The following ESD variants were observed in gnomAD, a reference collection of about 807,000 sequenced individuals.
ESD encodes the protein S-formylglutathione hydrolase.
ESD carries 34 observed loss-of-function variants against 38.1 expected under a neutral mutation model. The ratio of observed to expected loss-of-function variants is 0.89; its 90% CI spans 0.68 to 1.19. ESD has a LOEUF of 1.19. ESD is among the 50% of genes most tolerant of loss of function. ESD has a pLI of 0.00. For missense variants in ESD, 334 were observed against 327.2 expected (o/e 1.02, Z -0.16); for synonymous variants, 97 against 107.0 (o/e 0.91, Z 0.58).
chr13:46,796,783 C>G (rs1036198155), intron 1 of ESD, among the ~76,000 whole-genome samples: 3 of 152,218 alleles, frequency 2.0e-5, no homozygotes, highest in African/African-American at 7.2e-5. Context: ...GCGGTGGCTG[C>G]GGGTCTAGGA....
intron 9 of ESD, among the ~76,000 whole-genome samples, chr13:46,771,988 A>G (rs1022757644): frequency 1.3e-5 from 2 of 152,238 alleles, no homozygotes; most frequent in Non-Finnish European, 2.9e-5. Context: ...TCACAAATGC[A>G]GCACATCAGT....
At chr13:46,780,149 G>C in intron 7 of ESD, 116 bp from the exon 8 acceptor site, 1 of 635,980 alleles carries the variant, frequency 1.6e-6, no homozygotes, top group Non-Finnish European at 2.5e-6. Context: ...TAAAAATTCT[G>C]ACTTGCCATG....
chr13:46,797,593 G>C (rs1211726481), upstream of ESD, among the ~76,000 whole-genome samples: 1 of 152,218 alleles, frequency 6.6e-6, no homozygotes, highest in Non-Finnish European at 1.5e-5. Context: ...GACTATCCAC[G>C]TCACCTACTT....
chr13:46,782,976 C>G (rs1238524872), intron 5 of ESD, among the ~76,000 whole-genome samples, 185 bp from the exon 6 acceptor site: 2 of 151,854 alleles, frequency 1.3e-5, no homozygotes, highest in African/African-American at 4.8e-5. Context: ...TGAATGGGGC[C>G]CTGCGACTCG....
intron 9 of ESD, 130 bp downstream of exon 9, chr13:46,777,319 TTCAAGTG>T: frequency 3.5e-6 from 2 of 573,452 alleles, no homozygotes. Flanking sequence ...AGGTTTTCAC[TTCAAGTG>T]TCTGAATATA....
intron 1 of ESD, among the ~76,000 whole-genome samples, chr13:46,796,035 A>T (rs1773119): frequency 0.68 from 102,968 of 151,512 alleles, 36,948 homozygotes; most frequent in African/African-American, 0.92. Flanking sequence ...AAAATTTTTT[A>T]AAAAAAATAT....
intron 1 of ESD, among the ~76,000 whole-genome samples, chr13:46,795,241 C>T (rs8192880): frequency 1.8e-4 from 28 of 152,252 alleles, no homozygotes; most frequent in Admixed American, 1.3e-3. Flanking sequence ...CATCCCACTA[C>T]GATCAATCCT....
intron 4 of ESD, chr13:46,785,507 T>C (rs1385674558): frequency 1.3e-5 from 2 of 152,062 alleles, no homozygotes; most frequent in South Asian, 2.1e-4. Flanking sequence ...TTGGCTGTTT[T>C]GATTTCAGCT....
intron 9 of ESD, among the ~76,000 whole-genome samples, chr13:46,773,554 AAAAAT>A (rs1258224337): frequency 2.0e-5 from 3 of 152,242 alleles, no homozygotes; most frequent in Non-Finnish European, 4.4e-5. Flanking sequence ...TAGAGCTAAT[AAAAAT>A]ATCACTGACG....
intron 8 of ESD, among the ~76,000 whole-genome samples, 186 bp downstream of exon 8, chr13:46,779,749 A>C (rs945546437): frequency 2.7e-5 from 4 of 146,260 alleles, no homozygotes; most frequent in Non-Finnish European, 3.0e-5. Flanking sequence ...TAATATATAT[A>C]AAATAATATA....
Position 46,781,482 on chromosome 13 carries a change from TTAGA to T in ESD, c.501+10_501+13del. The T allele has an allele frequency of 6.3e-7, 1 of 1,579,466 alleles. No homozygotes were observed. Among genetic ancestry groups the T allele is most frequent in the Non-Finnish European group, 8.6e-7 (1 of 1,164,444 alleles). ...AAGAGAAATATTTATCACTAGAAGT[TTAGA>T]TAATCTTACTTTGTATTTTCCAGGA... On this transcript the variant is annotated intron_variant, in intron 7 of 9. Transcript: ENST00000378720.
Position 46,777,518 on chromosome 13 carries a change from G to C in ESD, c.706C>G (p.Pro236Ala). 1 of 1,611,060 alleles carries C rather than the reference G, an allele frequency of 6.2e-7. No homozygotes were observed. Among genetic ancestry groups the C allele is most frequent in the East Asian group, 2.2e-5 (1 of 44,766 alleles). ...GTACAGGCAGCTATGAAGTTATCAG[G>C]GAGTAACTGTCCATCTAAAAGAAAC... ...DQFLLDGQLLPDNFIAACTEK... is the reference protein window; with the variant it reads ...DQFLLDGQLLADNFIAACTEK... The change falls in exon 9 of 10, where the codon CCT becomes GCT. Residue 236 changes from proline to alanine, a missense_variant. Physicochemically the swap from Pro to Ala is conservative, Grantham distance 27 (BLOSUM62 -1). Transcript: ENST00000378720.
chr13:46,782,452 G>A lies in ESD; in HGVS notation c.381+215C>T, dbSNP rs565748501. Among the ~76,000 whole-genome samples, 27 of 151,878 alleles carry A rather than the reference G, an allele frequency of 1.8e-4. No homozygotes were observed. In the South Asian group the frequency reaches 5.0e-3, roughly 28 times the overall value. On this transcript the variant is annotated intron_variant, in intron 6 of 9. Transcript: ENST00000378720. ...ACCATTTTCTTGGTTATTCTGGGTA[G>A]TATAAACAGGTCTCAATATAATGAT...
chr13:46,784,543 T>C (rs371910676), intron 4 of ESD, among the ~76,000 whole-genome samples, 193 bp from the exon 5 acceptor site: 1 of 151,986 alleles, frequency 6.6e-6, no homozygotes, highest in East Asian at 1.9e-4. Context: ...TACGCTCATA[T>C]AACAAACCTG....
At chr13:46,783,729 T>C (rs995827373) in intron 5 of ESD, among the ~76,000 whole-genome samples, 4 of 151,960 alleles carry the variant, frequency 2.6e-5, no homozygotes, top group Non-Finnish European at 5.9e-5. Flanking sequence ...TTCCTGAAAC[T>C]TCTAGAGTCA....
chr13:46,788,896 T>C (rs1369641684), intron 3 of ESD, among the ~76,000 whole-genome samples: 1 of 152,098 alleles, frequency 6.6e-6, no homozygotes, highest in African/African-American at 2.4e-5. Flanking sequence ...ATCAATTTCA[T>C]CTACATTAAA....
chr13:46,790,275 CTATT>C (rs769375155), intron 3 of ESD, among the ~76,000 whole-genome samples: 1 of 152,028 alleles, frequency 6.6e-6, no homozygotes, highest in Non-Finnish European at 1.5e-5. Flanking sequence ...CTGTCCACTC[CTATT>C]TAAGAGAGAA....
At chr13:46,797,292 T>A (rs149621840), upstream of ESD, 1 of 152,898 alleles carries the variant, frequency 6.5e-6, no homozygotes, top group Non-Finnish European at 1.5e-5. Context: ...CCTTTGCACA[T>A]TGCACTTCCC....
At chr13:46,790,008 A>ATTTT (rs544499790) in intron 3 of ESD, among the ~76,000 whole-genome samples, 1 of 136,050 alleles carries the variant, frequency 7.4e-6, no homozygotes, top group African/African-American at 2.8e-5. Flanking sequence ...ATATATATAT[A>ATTTT]TTTTTTTTTT....
Sources: allele counts gnomAD v4.1 joint callset (sites outside exome capture counted in the v4.1 genomes callset), GRCh38; gene constraint gnomAD v4.1.1; transcripts MANE v1.5; gene names NCBI Gene and HGNC (gene_info 2026-07-23, HGNC 2026-07-21).